The following SORT1 variants were observed in gnomAD, a reference collection of about 807,000 sequenced individuals.
The protein encoded by SORT1 is sortilin.
A neutral mutation model predicts 101.7 loss-of-function variants in SORT1; 39 were observed. The observed-to-expected ratio is 0.38, with a 90% confidence interval of 0.30 to 0.50. SORT1 has a LOEUF of 0.50. Among genes scored for constraint, SORT1 ranks in the 20% least tolerant of loss-of-function variants. The pLI, the probability that SORT1 is intolerant of heterozygous loss-of-function variation, is 0.90. For synonymous variants in SORT1, 396 were observed against 393.7 expected (o/e 1.01, Z -0.07); for missense variants, 878 against 1,040.4 (o/e 0.84, Z 2.15).
At chr1:109,317,815 C>G in intron 16 of SORT1, 38 bp downstream of exon 16, 1 of 1,285,252 alleles carries the variant, frequency 7.8e-7, no homozygotes. Context: ...AACAAGAACA[C>G]CTCATCCATC....
intron 15 of SORT1, among the ~76,000 whole-genome samples, chr1:109,321,854 G>T (rs1004558264): frequency 4.6e-5 from 7 of 152,076 alleles, no homozygotes; most frequent in Non-Finnish European, 8.8e-5. Flanking sequence ...GCTATCCAGG[G>T]ACTCATGCCC....
At chr1:109,323,154 A>G in intron 14 of SORT1, 33 bp from the exon 15 acceptor site, 2 of 1,526,304 alleles carry the variant, frequency 1.3e-6, no homozygotes, top group Non-Finnish European at 1.8e-6. Context: ...AGGAAAGTAC[A>G]CAGCACAGAA....
At chr1:109,340,911 T>G (rs776048456) in intron 9 of SORT1, 32 bp from the exon 10 acceptor site, 2 of 1,572,744 alleles carry the variant, frequency 1.3e-6, no homozygotes, top group South Asian at 1.2e-5. Context: ...AAATACTAAG[T>G]CTTGGGTGGA....
At chr1:109,345,910 T>C in intron 7 of SORT1, 29 bp from the exon 8 acceptor site, 1 of 1,593,398 alleles carries the variant, frequency 6.3e-7, no homozygotes, top group South Asian at 1.1e-5. Context: ...TTAATTAAAA[T>C]TTCACTTACT....
At chr1:109,346,634 A>C (rs1042809571) in intron 7 of SORT1, among the ~76,000 whole-genome samples, 2 of 151,684 alleles carry the variant, frequency 1.3e-5, no homozygotes, top group African/African-American at 4.8e-5. Flanking sequence ...AGTCCCAGCT[A>C]CACAGGAGGC....
chr1:109,395,232 T>C (rs1291547730), intron 1 of SORT1, among the ~76,000 whole-genome samples: 1 of 141,174 alleles, frequency 7.1e-6, no homozygotes, highest in South Asian at 2.4e-4. Flanking sequence ...TTTTTTTTTT[T>C]TTTTTTGAGA....
intron 1 of SORT1, among the ~76,000 whole-genome samples, chr1:109,369,970 C>G (rs1006723280): frequency 1.3e-5 from 2 of 152,130 alleles, no homozygotes; most frequent in Non-Finnish European, 2.9e-5. Context: ...GTAATTGTAA[C>G]CAAATCAACA....
At chr1:109,322,902 G>A (rs1241672642) in intron 15 of SORT1, 30 bp downstream of exon 15, 6 of 1,569,646 alleles carry the variant, frequency 3.8e-6, no homozygotes, top group African/African-American at 2.7e-5. Context: ...CAGGGAAAGG[G>A]AGACAGAGAA....
Position 109,310,586 on chromosome 1 carries a change from C to T in SORT1, c.*3457G>A, listed in dbSNP as rs1466598648. 1 of 153,698 alleles carries T rather than the reference C, an allele frequency of 6.5e-6. No individual in the cohort carries two copies. Among genetic ancestry groups the T allele is most frequent in the Non-Finnish European group, 1.5e-5 (1 of 68,044 alleles). 9.5% of individuals were successfully genotyped at this position (153,698 alleles called of 1,614,324 possible). On this transcript the variant is annotated 3_prime_UTR_variant, in exon 20 of 20. Coordinates refer to ENST00000256637, the MANE Select transcript of SORT1 (RefSeq NM_002959.7). ...GGTAGCAAAGTTGAAAGCCGAATCC[C>T]TTCCTATTTTAGCACTTCCAAGTAT... is the stretch of plus-strand genomic sequence containing the variant.
intron 1 of SORT1, 104 bp downstream of exon 1, chr1:109,397,483 G>A: frequency 1.3e-6 from 1 of 788,536 alleles, no homozygotes; most frequent in Non-Finnish European, 1.6e-6. Context: ...CGCGGGCGCG[G>A]CAGGGCTGGG....
In SORT1 at chr1:109,311,366, G is replaced by A. The variant is rs973239155; in HGVS notation, c.*2677C>T. 1.3e-5 allele frequency: 2 copies of A among 152,234 alleles called. No homozygotes were observed. Among genetic ancestry groups the A allele is most frequent in the African/African-American group, 2.4e-5 (1 of 41,460 alleles). 9.4% of individuals were successfully genotyped at this position (152,234 alleles called of 1,614,324 possible). A position where few individuals can be genotyped will look rare whatever the true frequency, so the allele number is the denominator to read the frequency against. On this transcript the variant is annotated 3_prime_UTR_variant, in exon 20 of 20. Transcript: ENST00000256637. ...ACTATGTTTTACCTTCAAAGATAAT[G>A]CTCCTAACATGAGTAGGACAAATTA...
At chr1:109,342,200 A>C in intron 8 of SORT1, 42 bp from the exon 9 acceptor site, 1 of 1,503,202 alleles carries the variant, frequency 6.7e-7, no homozygotes, top group Non-Finnish European at 9.2e-7. Context: ...TTTTCTGCCA[A>C]GATGCCATGG....
At chr1:109,392,604 C>A in intron 1 of SORT1, 4 of 985,244 alleles carry the variant, frequency 4.1e-6, no homozygotes, top group Non-Finnish European at 4.8e-6. Flanking sequence ...ATTGTTAACA[C>A]TGCATTCCCT....
intron 1 of SORT1, among the ~76,000 whole-genome samples, chr1:109,379,290 T>C (rs941107158): frequency 1.1e-4 from 17 of 151,052 alleles, no homozygotes; most frequent in African/African-American, 3.9e-4. Context: ...ACACTAACAA[T>C]AGCTAATTAG....
intron 1 of SORT1, among the ~76,000 whole-genome samples, chr1:109,388,108 G>A (rs893192191): frequency 2.1e-4 from 30 of 144,180 alleles, no homozygotes; most frequent in African/African-American, 7.3e-4. Flanking sequence ...CCAGGCTGGC[G>A]TACAGTGGTT....
chr1:109,352,927 G>A (rs1470870117), intron 5 of SORT1, among the ~76,000 whole-genome samples: 1 of 152,178 alleles, frequency 6.6e-6, no homozygotes, highest in East Asian at 1.9e-4. Context: ...CCCTTATAGT[G>A]CTTTCAGCTT....
rs552403128 is a variant in SORT1 at position 109,383,448 on chromosome 1, C to T, written c.307-13859G>A. Reference sequence around the variant, plus strand: ...AGGCTAAACATACTAGACTTTTAATCTACAGAAGTCAGCCTGTCACAATGA... The same window carrying T: ...AGGCTAAACATACTAGACTTTTAATTTACAGAAGTCAGCCTGTCACAATGA... On this transcript the variant is annotated intron_variant, in intron 1 of 19. Coordinates refer to ENST00000256637, the MANE Select transcript of SORT1 (RefSeq NM_002959.7). 3.0e-4 allele frequency among the ~76,000 whole-genome samples: 45 copies of T among 152,344 alleles called. 1 individual carries two copies. The highest frequency in any genetic ancestry group is 8.9e-4 in the African/African-American group (37 of 41,574).
chr1:109,360,221 A>G (rs1650628931), intron 3 of SORT1, among the ~76,000 whole-genome samples: 1 of 152,200 alleles, frequency 6.6e-6, no homozygotes, highest in Non-Finnish European at 1.5e-5. Context: ...CTGTAGTCCC[A>G]GCCACTTGGG....
At chr1:109,375,435 C>T (rs1053933170) in intron 1 of SORT1, among the ~76,000 whole-genome samples, 5 of 147,504 alleles carry the variant, frequency 3.4e-5, no homozygotes, top group East Asian at 4.2e-4. Context: ...ACCAGCTACG[C>T]GGGAGGCTGA....
Sources: gnomAD v4.1 joint callset for allele counts (sites outside exome capture counted in the v4.1 genomes callset) on GRCh38, gnomAD v4.1.1 for gene constraint, MANE v1.5 for transcripts, NCBI Gene and HGNC (gene_info 2026-07-23, HGNC 2026-07-21) for gene names.